Variants in GAA observed in about 807,000 individuals in gnomAD.
GAA encodes the protein alpha glucosidase.
Under a neutral mutation model 103.9 loss-of-function variants are expected in GAA, and 88 were observed. That is an observed-to-expected ratio of 0.85 (90% CI 0.71 to 1.01). The LOEUF (loss-of-function observed/expected upper bound fraction) is 1.01, where lower values mean the gene tolerates loss of function less well. Among genes scored for constraint, GAA ranks in the 50% least tolerant of loss-of-function variants. GAA has a pLI of 0.00. For synonymous variants in GAA, 572 were observed against 563.1 expected (o/e 1.02, Z -0.22); for missense variants, 1,350 against 1,305.3 (o/e 1.03, Z -0.53).
In GAA at chr17:80,108,675, C is replaced by T. The variant is rs1038744830; in HGVS notation, c.1195-22C>T. The T allele has an allele frequency of 4.3e-5, 70 of 1,612,704 alleles. No individual in the cohort carries two copies. The highest frequency in any genetic ancestry group is 5.1e-5 in the Non-Finnish European group (60 of 1,179,986). On this transcript the variant is annotated intron_variant, in intron 7 of 19. Coordinates refer to ENST00000302262, the MANE Select transcript of GAA (RefSeq NM_000152.5). ...ACGCGTCTCCTCAGGCCCCAGCAGA[C>T]GGTCCCGTGTTGTGGCTGCAGGACG...
In GAA at chr17:80,118,358, G is replaced by A. The variant is rs2143931061; in HGVS notation, c.2646+1G>A. The A allele has an allele frequency of 1.3e-6, 2 of 1,560,352 alleles. No individual in the cohort carries two copies. The highest frequency in any genetic ancestry group is 1.2e-5 in the South Asian group (1 of 82,176). ...ACAGGTCATCTTCCTGGCCAGGAATGTGAGTCCTGGGGCTGCTCAGGCTGG... is the reference window on the plus strand; with the variant it reads ...ACAGGTCATCTTCCTGGCCAGGAATATGAGTCCTGGGGCTGCTCAGGCTGG... On this transcript the variant is annotated splice_donor_variant, in intron 18 of 19. Coordinates refer to ENST00000302262, the MANE Select transcript of GAA (RefSeq NM_000152.5). LOFTEE classifies it high-confidence loss of function.
rs1327558690 is a variant in GAA, at chr17:80,111,743, T to C, written c.1637-240T>C. 2.7e-5 allele frequency: 15 copies of C among 558,936 alleles called. No homozygotes were observed. In the East Asian group the frequency reaches 4.0e-4, roughly 15 times the overall value. The allele number at this position is 558,936 out of a possible 1,614,324, so 34.6% of individuals were successfully genotyped here. ...ACGGTGGATGTGAAGTCTGGGGGTCTGCAGAGCCCAGGCTCCAGCACCCGC... is the reference window on the plus strand; with the variant it reads ...ACGGTGGATGTGAAGTCTGGGGGTCCGCAGAGCCCAGGCTCCAGCACCCGC... On this transcript the variant is annotated intron_variant, in intron 11 of 19. Transcript: ENST00000302262.
intron 3 of GAA, among the ~76,000 whole-genome samples, chr17:80,106,529 A>G (rs1310006684): frequency 2.0e-5 from 3 of 151,342 alleles, no homozygotes; most frequent in Non-Finnish European, 4.4e-5. Flanking sequence ...GGGGGTGGGG[A>G]GGCCACTCTG....
chr17:80,113,387 C>A (rs1253000024), intron 15 of GAA, 21 bp downstream of exon 15: 1 of 1,537,630 alleles, frequency 6.5e-7, no homozygotes, highest in Non-Finnish European at 8.8e-7. Context: ...TAGGCAGGGG[C>A]GGTGGCCCAT....
rs1057516600 is a variant in GAA at position 80,107,816 on chromosome 17, A to G, written c.875A>G (p.Tyr292Cys). Residue 292 changes from tyrosine (Y) to cysteine (C), a missense_variant, in exon 5 of 20, where the codon TAC (tyrosine) becomes TGC (cysteine). By Grantham distance (194) the Tyr-to-Cys change is radical (BLOSUM62 -2). Coordinates refer to ENST00000302262, the MANE Select transcript of GAA (RefSeq NM_000152.5). ...ATGTCCCAGCCCGGTGCGAACCTCTACGGGTCTCACCCTTTCTACCTGGCG... is the reference window on the plus strand; with the variant it reads ...ATGTCCCAGCCCGGTGCGAACCTCTGCGGGTCTCACCCTTTCTACCTGGCG... ...DLAPTPGANL[Y>C]GSHPFYLALE... 3.7e-6 allele frequency: 6 copies of G among 1,611,764 alleles called. No homozygotes were observed. The highest frequency in any genetic ancestry group is 3.3e-5 in the Admixed American group (2 of 59,876).
At position 80,118,792 on chromosome 17, in the gene GAA, GC is replaced by G; in HGVS notation, c.2790del (p.Asp931ThrfsTer12). The G allele has an allele frequency of 6.2e-7, 1 of 1,613,308 alleles. No homozygotes were observed. On this transcript the variant is annotated frameshift_variant, in exon 19 of 20. Transcript: ENST00000302262. LOFTEE classifies it high-confidence loss of function. ...GTCCCTGTCTCCAACTTCACCTACA[GC>G]CCCGACACCAAGGCAAGAGGGCCCA... The part of the protein sequence containing the change: ...NGVPVSNFTY[S>X]PDTKVLDICV...
At position 80,111,004 on chromosome 17, in the gene GAA, G is replaced by T. The variant is rs2039224607; in HGVS notation, c.1615G>T (p.Glu539Ter). 6.2e-7 allele frequency: 1 copy of T among 1,613,730 alleles called. No homozygotes were observed. The highest frequency in any genetic ancestry group is 1.7e-5 in the Admixed American group (1 of 59,990). ...GGACGGCTGCCCCAACAATGAGCTG[G>T]AGAACCCACCCTACGTGCCTGGTCA... ...SEDGCPNNELENPPYVPGVVG... is the reference protein window; with the variant it reads ...SEDGCPNNEL The change falls in exon 11 of 20, where the codon GAG (glutamate) becomes TAG (stop). Residue 539 changes from glutamate (E) to a stop codon, truncating the protein, a stop_gained. Coordinates refer to ENST00000302262, the MANE Select transcript of GAA (RefSeq NM_000152.5). LOFTEE classifies it high-confidence loss of function.
chr17:80,112,855 A>T, intron 13 of GAA, 21 bp from the exon 14 acceptor site: 3 of 1,602,244 alleles, frequency 1.9e-6, no homozygotes, highest in Non-Finnish European at 2.6e-6. Flanking sequence ...CCTGAGGACC[A>T]GCCTGACTCT....
rs745933625 is a variant in GAA at position 80,110,009 on chromosome 17, G to C, written c.1391G>C (p.Arg464Thr). The C allele has an allele frequency of 6.2e-7, 1 of 1,613,046 alleles. No homozygotes were observed. The stretch of plus-strand genomic sequence containing the variant: ...AGGCCCTACGACGAGGGTCTGCGGA[G>C]GGGGGTTTTCATCACCAACGAGACC... ...SYRPYDEGLR[R>T]GVFITNETGQ... The change falls in exon 9 of 20, where the codon AGG becomes ACG. Residue 464 changes from arginine to threonine, a missense_variant. Arg to Thr is a moderately conservative substitution (Grantham distance 71). Coordinates refer to ENST00000302262, the MANE Select transcript of GAA (RefSeq NM_000152.5).
At position 80,110,980 on chromosome 17, in the gene GAA, G is replaced by A. The variant is rs1373605004; in HGVS notation, c.1591G>A (p.Asp531Asn). Residue 531 changes from aspartate (D) to asparagine (N), a missense_variant, in exon 11 of 20, where the codon GAC becomes AAC. By Grantham distance (23) the Asp-to-Asn change is conservative. Transcript: ENST00000302262. ...EPSNFIRGSE[D>N]GCPNNELENP... ...TTCCAACTTCATCAGGGGCTCTGAG[G>A]ACGGCTGCCCCAACAATGAGCTGGA... 5 of 1,613,794 alleles carry A rather than the reference G, an allele frequency of 3.1e-6. No individual in the cohort carries two copies. The highest frequency in any genetic ancestry group is 3.4e-6 in the Non-Finnish European group (4 of 1,179,984).
chr17:80,113,069 C>G, intron 14 of GAA, 42 bp downstream of exon 14: 2 of 1,574,098 alleles, frequency 1.3e-6, no homozygotes, highest in Non-Finnish European at 1.7e-6. Context: ...CGATCCCACC[C>G]ACCCAAGACT....
At chr17:80,109,918 C>T (rs781360116) in intron 8 of GAA, 27 bp from the exon 9 acceptor site, 2 of 1,586,538 alleles carry the variant, frequency 1.3e-6, no homozygotes, top group East Asian at 2.2e-5. Context: ...GGGCCACCCT[C>T]ACCTTGACAG....
rs2039389492 is a variant in GAA at position 80,117,740 on chromosome 17, C to A, written c.2472C>A (p.Ile824=). The A allele has an allele frequency of 2.5e-6, 4 of 1,609,426 alleles. No homozygotes were observed. ...INVHLRAGYI[I]PLQGPGLTTT... is the part of the protein sequence containing the mutation. ...TCCACCTCCGGGCTGGGTACATCAT[C>A]CCCCTGCAGGTACCTGGGCCAGGCG... is the stretch of plus-strand genomic sequence containing the variant. The change falls in exon 17 of 20, where the codon ATC becomes ATA. Residue 824 remains isoleucine, a synonymous_variant. Coordinates refer to ENST00000302262, the MANE Select transcript of GAA (RefSeq NM_000152.5).
Position 80,104,842 on chromosome 17 carries a change from C to G in GAA, c.256C>G (p.Pro86Ala). 1 of 1,612,870 alleles carries G rather than the reference C, an allele frequency of 6.2e-7. No individual in the cohort carries two copies. Among genetic ancestry groups the G allele is most frequent in the East Asian group, 2.2e-5 (1 of 44,840 alleles). Residue 86 changes from proline (P) to alanine (A), a missense_variant, in exon 2 of 20, where the codon CCC (proline) becomes GCC (alanine). Transcript: ENST00000302262. The surrounding 1 kb of genome is among the most constrained non-coding windows in gnomAD (Gnocchi z 4.0). Reference sequence around the variant, plus strand: ...AGTGCCCACACAGTGCGACGTCCCCCCCAACAGCCGCTTCGATTGCGCCCC... The same window carrying G: ...AGTGCCCACACAGTGCGACGTCCCCGCCAACAGCCGCTTCGATTGCGCCCC... ...RAVPTQCDVP[P>A]NSRFDCAPDK...
intron 3 of GAA, 113 bp from the exon 4 acceptor site, chr17:80,107,444 G>C: frequency 7.1e-7 from 1 of 1,402,264 alleles, no homozygotes; most frequent in Admixed American, 1.7e-5. Flanking sequence ...TGCAGGGCTG[G>C]CCAGGCCACT....
At chr17:80,119,179 G>A (rs1219607133) in intron 19 of GAA, 93 bp from the exon 20 acceptor site, 5 of 1,250,028 alleles carry the variant, frequency 4.0e-6, no homozygotes, top group African/African-American at 1.5e-5. Flanking sequence ...CTGCTGCTGG[G>A]ATCTCGGGGC....
Position 80,108,393 on chromosome 17 carries a change from G to A in GAA, c.1059G>A (p.Gln353=), listed in dbSNP as rs376146090. The change falls in exon 6 of 20, where the codon CAG becomes CAA. Residue 353 remains glutamine, a synonymous_variant. Transcript: ENST00000302262. The stretch of plus-strand genomic sequence containing the variant: ...CAGAGCCCAAGAGCGTGGTGCAGCA[G>A]TACCTGGACGTTGTGGGTAGGGCCT... The part of the protein sequence containing the change: ...LGPEPKSVVQ[Q]YLDVVGYPFM... The A allele has an allele frequency of 2.5e-6, 4 of 1,613,334 alleles. No individual in the cohort carries two copies. In the African/African-American group the frequency reaches 4.0e-5, roughly 16 times the overall value.
Position 80,108,600 on chromosome 17 carries a change from T to G in GAA, c.1187T>G (p.Phe396Cys). The G allele has an allele frequency of 6.2e-7, 1 of 1,612,610 alleles. No homozygotes were observed. The highest frequency in any genetic ancestry group is 8.5e-7 in the Non-Finnish European group (1 of 1,179,826). Reference protein sequence around the residue: ...QVVENMTRAHFPLDVQWNDLD... With the variant: ...QVVENMTRAHCPLDVQWNDLD... ...GTGGAGAACATGACCAGGGCCCACT[T>G]CCCCCTGGTGAGTTGGGGTGGTGGC... is the stretch of plus-strand genomic sequence containing the variant. Residue 396 changes from phenylalanine (F) to cysteine (C), a missense_variant, in exon 7 of 20, where the codon TTC becomes TGC. Physicochemically the swap from Phe to Cys is radical, Grantham distance 205. Coordinates refer to ENST00000302262, the MANE Select transcript of GAA (RefSeq NM_000152.5).
intron 15 of GAA, among the ~76,000 whole-genome samples, chr17:80,114,312 A>G (rs1211124661): frequency 6.6e-6 from 1 of 152,256 alleles, no homozygotes; most frequent in Non-Finnish European, 1.5e-5. Context: ...CACTGTTTGC[A>G]AAACAGGAGA....
Sources: allele counts gnomAD v4.1 joint callset (sites outside exome capture counted in the v4.1 genomes callset), GRCh38; gene constraint gnomAD v4.1.1; non-coding constraint Gnocchi (gnomAD v3.1); transcripts MANE v1.5; gene names NCBI Gene and HGNC (gene_info 2026-07-23, HGNC 2026-07-21).